CCDC88A: variants seen among roughly 807,000 people sequenced by gnomAD.
The protein encoded by CCDC88A is girdin.
A neutral mutation model predicts 234.3 loss-of-function variants in CCDC88A; 54 were observed. That is an observed-to-expected ratio of 0.23 (90% CI 0.19 to 0.29). The LOEUF (loss-of-function observed/expected upper bound fraction) is 0.29, where lower values mean the gene tolerates loss of function less well. Ranked by LOEUF, CCDC88A falls within the 10% of genes least tolerant of loss-of-function variation. CCDC88A has a pLI of 1.00. For missense variants in CCDC88A, 1,832 were observed against 2,123.4 expected (o/e 0.86, Z 2.70); for synonymous variants, 753 against 737.8 (o/e 1.02, Z -0.33).
chr2:55,363,889 A>G, intron 6 of CCDC88A, 61 bp downstream of exon 6: 1 of 845,262 alleles, frequency 1.2e-6, no homozygotes, highest in Non-Finnish European at 1.9e-6. Context: ...TTTAGGAGAT[A>G]GACAAATAAA....
At chr2:55,326,174 T>C (rs1371201606) in intron 17 of CCDC88A, among the ~76,000 whole-genome samples, 6 of 152,096 alleles carry the variant, frequency 3.9e-5, no homozygotes, top group African/African-American at 1.4e-4. Context: ...TTTCTTCTTT[T>C]TTTTTTTGCC....
chr2:55,368,411 CA>C (rs999716510), intron 5 of CCDC88A, among the ~76,000 whole-genome samples: 5 of 151,860 alleles, frequency 3.3e-5, no homozygotes, highest in Admixed American at 2.0e-4. Flanking sequence ...AAGAAGAAAA[CA>C]TTTTTCAATT....
chr2:55,295,827 G>T lies in CCDC88A; in HGVS notation c.5321C>A (p.Thr1774Lys). The change falls in exon 31 of 33, where the codon ACA becomes AAA. Residue 1774 changes from threonine to lysine, a missense_variant. By Grantham distance (78) the Thr-to-Lys change is moderately conservative. Transcript: ENST00000436346. ...TYFISSAGKPTPGTQGKIKLV... is the reference protein window; with the variant it reads ...TYFISSAGKPKPGTQGKIKLV... ...TTTTATTTTTCCTTGAGTGCCTGGT[G>T]TAGGTTTTCCCGCAGAACTAATGAA... 2 of 1,614,100 alleles carry T rather than the reference G, an allele frequency of 1.2e-6. No homozygotes were observed. The highest frequency in any genetic ancestry group is 1.7e-6 in the Non-Finnish European group (2 of 1,180,000).
intron 29 of CCDC88A, among the ~76,000 whole-genome samples, chr2:55,297,347 T>TTATATATAAATATATATAATATATAA: frequency 9.5e-6 from 1 of 105,818 alleles, no homozygotes. Context: ...AATTTATATA[T>TTATATATAAATATATATAATATATAA]TATATATAAA....
In CCDC88A at chr2:55,371,090, A is replaced by G. The variant is rs3791651; in HGVS notation, c.402+1362T>C. Among the ~76,000 whole-genome samples the G allele has an allele frequency of 2.0e-4, 31 of 152,306 alleles. No homozygotes were observed. In the East Asian group the frequency reaches 5.6e-3, roughly 27 times the overall value. ...TAACCACCAAGCAATAACCAGCAAT[A>G]AAAACCATATTTATGCTATTGCTAT... is the stretch of plus-strand genomic sequence containing the variant. On this transcript the variant is annotated intron_variant, in intron 5 of 32. Transcript: ENST00000436346.
At chr2:55,343,841 C>T (rs1477502960) in intron 11 of CCDC88A, 49 bp from the exon 12 acceptor site, 5 of 1,398,634 alleles carry the variant, frequency 3.6e-6, no homozygotes, top group Non-Finnish European at 4.8e-6. Flanking sequence ...AGAAACAGTA[C>T]AATTTTGAGC....
At chr2:55,378,440 A>C (rs1674056095) in intron 3 of CCDC88A, among the ~76,000 whole-genome samples, 1 of 152,230 alleles carries the variant, frequency 6.6e-6, no homozygotes, top group South Asian at 2.1e-4. Context: ...TTTGGGTAGA[A>C]TGAAGTCAAA....
chr2:55,416,903 T>C (rs776541850), intron 2 of CCDC88A: 1 of 151,936 alleles, frequency 6.6e-6, no homozygotes, highest in South Asian at 2.1e-4. Flanking sequence ...AAAGCAAAAG[T>C]ATACTTTTTT....
At chr2:55,302,096 G>A in intron 26 of CCDC88A, 24 bp from the exon 27 acceptor site, 1 of 1,559,578 alleles carries the variant, frequency 6.4e-7, no homozygotes. Context: ...GAAAGCAAAT[G>A]AATCAGCATG....
intron 29 of CCDC88A, among the ~76,000 whole-genome samples, chr2:55,299,592 ATATTAC>A (rs1680634568): frequency 6.6e-6 from 1 of 152,254 alleles, no homozygotes; most frequent in African/African-American, 2.4e-5. Context: ...TGAAGTATAA[ATATTAC>A]TATAAGACTT....
At chr2:55,360,426 T>G (rs1022434294) in intron 7 of CCDC88A, among the ~76,000 whole-genome samples, 40 of 152,330 alleles carry the variant, frequency 2.6e-4, no homozygotes, top group African/African-American at 9.6e-4. Context: ...CTTTTCAAGT[T>G]AGTCTACTGG....
chr2:55,360,641 G>C, intron 7 of CCDC88A, among the ~76,000 whole-genome samples: 1 of 152,150 alleles, frequency 6.6e-6, no homozygotes, highest in Non-Finnish European at 1.5e-5. Context: ...ATTCTATATA[G>C]TATTTCATAT....
chr2:55,291,986 T>A lies in CCDC88A; in HGVS notation c.5552-211A>T, dbSNP rs990134605. ...ATATTCCTAGGAAAGCTATAATTTT[T>A]AAAAAAACTATAACAATTACATTTC... On this transcript the variant is annotated intron_variant, in intron 31 of 32. Transcript: ENST00000436346. 1.3e-5 allele frequency: 5 copies of A among 398,578 alleles called. No individual in the cohort carries two copies. The highest frequency in any genetic ancestry group is 9.4e-5 in the South Asian group (2 of 21,390). 24.7% of individuals were successfully genotyped at this position (398,578 alleles called of 1,614,324 possible).
Position 55,334,459 on chromosome 2 carries a change from C to G in CCDC88A, c.2362G>C (p.Asp788His). The change falls in exon 15 of 33, where the codon GAC (aspartate) becomes CAC (histidine). Residue 788 changes from aspartate to histidine, a missense_variant. This residue lies in a region of CCDC88A where 1,282 missense variants were observed against 1,543.6 expected (regional missense o/e 0.83). Coordinates refer to ENST00000436346, the MANE Select transcript of CCDC88A (RefSeq NM_001365480.1). This position sits in a 1 kb window ranked among gnomAD's most constrained non-coding sequence, Gnocchi z 6.1. ...KIQQLESELQ[D>H]LEMENQTLQK... Reference sequence around the variant, plus strand: ...AATGTTTGATTTTCCATCTCTAAGTCTTGTAGTTCACTCTCTAATTGCTGG... The same window carrying G: ...AATGTTTGATTTTCCATCTCTAAGTGTTGTAGTTCACTCTCTAATTGCTGG... 2 of 1,598,634 alleles carry G rather than the reference C, an allele frequency of 1.3e-6. No individual in the cohort carries two copies. The highest frequency in any genetic ancestry group is 1.7e-6 in the Non-Finnish European group (2 of 1,175,380).
At chr2:55,379,913 CTAAA>C (rs746468905) in intron 3 of CCDC88A, among the ~76,000 whole-genome samples, 37 of 149,686 alleles carry the variant, frequency 2.5e-4, no homozygotes, top group Non-Finnish European at 5.2e-4. Context: ...AACTCCGTCT[CTAAA>C]TAAATAAATA....
At chr2:55,338,802 CA>C (rs1668104933) in intron 13 of CCDC88A, among the ~76,000 whole-genome samples, 1 of 152,128 alleles carries the variant, frequency 6.6e-6, no homozygotes, top group African/African-American at 2.4e-5. Flanking sequence ...GTAAGAAAAA[CA>C]AATGCAGTGG....
At chr2:55,355,782 T>G (rs1670491852) in intron 7 of CCDC88A, 31 bp from the exon 8 acceptor site, 3 of 1,568,872 alleles carry the variant, frequency 1.9e-6, no homozygotes, top group South Asian at 2.2e-5. Flanking sequence ...ACTTTCAGTA[T>G]TCTACATATT....
chr2:55,301,804 G>C, intron 27 of CCDC88A, 68 bp downstream of exon 27: 1 of 1,361,846 alleles, frequency 7.3e-7, no homozygotes, highest in Non-Finnish European at 1.0e-6. Flanking sequence ...AAGTACACAG[G>C]GAAAAGTCAA....
At chr2:55,405,528 T>C (rs1234184733) in intron 2 of CCDC88A, 2 of 152,266 alleles carry the variant, frequency 1.3e-5, no homozygotes, top group African/African-American at 4.8e-5. Flanking sequence ...TTAGTCAGTA[T>C]ACACATTCAG....
Sources: gnomAD v4.1 joint callset for allele counts (sites outside exome capture counted in the v4.1 genomes callset) on GRCh38, gnomAD v4.1.1 for gene constraint, gnomAD v4.1.1 regional missense constraint, Gnocchi (gnomAD v3.1) non-coding constraint, MANE v1.5 for transcripts, NCBI Gene and HGNC (gene_info 2026-07-23, HGNC 2026-07-21) for gene names.